DOCK9: variants seen among roughly 807,000 people sequenced by gnomAD.
DOCK9 encodes dedicator of cytokinesis protein 9.
A neutral mutation model predicts 263.3 loss-of-function variants in DOCK9; 89 were observed. That is an observed-to-expected ratio of 0.34 (90% confidence interval 0.28 to 0.40). DOCK9 has a LOEUF of 0.40. Among genes scored for constraint, DOCK9 ranks in the 10% least tolerant of loss-of-function variants. The pLI, the probability that DOCK9 is intolerant of heterozygous loss-of-function variation, is 1.00. For synonymous variants in DOCK9, 976 were observed against 973.1 expected, an observed-to-expected ratio of 1.00 and a Z score of -0.06; for missense variants, 2,140 against 2,603.4, an observed-to-expected ratio of 0.82 and a Z score of 3.87.
chr13:98,943,999 A>C (rs1206018709), intron 2 of DOCK9, among the ~76,000 whole-genome samples: 2 of 152,238 alleles, frequency 1.3e-5, no homozygotes, highest in Non-Finnish European at 2.9e-5. Context: ...TACACTAATC[A>C]CATAGATAAA....
At position 99,047,674 on chromosome 13, in the gene DOCK9, A is replaced by G. The variant is rs1358831843; in HGVS notation, c.129+38549T>C. On this transcript the variant is annotated intron_variant, in intron 1 of 32. Coordinates refer to the DOCK9 transcript ENST00000427887. Reference sequence around the variant, plus strand: ...GCTGGGACTACAGGTGCACACCACTATGCCCAGCTAATTTTTTTTTTAATT... The same window carrying G: ...GCTGGGACTACAGGTGCACACCACTGTGCCCAGCTAATTTTTTTTTTAATT... 1.5e-4 allele frequency among the ~76,000 whole-genome samples: 23 copies of G among 151,842 alleles called. 1 individual carries two copies. Among genetic ancestry groups the G allele is most frequent in the Admixed American group, 1.5e-3 (23 of 15,246 alleles).
intron 49 of DOCK9, among the ~76,000 whole-genome samples, chr13:98,801,058 C>T (rs148389580): frequency 3.9e-4 from 59 of 152,306 alleles, no homozygotes; most frequent in Non-Finnish European, 7.2e-4. Context: ...GCTGGTAGAT[C>T]ACTTGAGCCC....
rs750160982 is a variant in DOCK9, at chr13:98,863,436, C to T, written c.3399G>A (p.Leu1133=). ...GGTTCTTGAGCACACTGATGGCGAT[C>T]AGACGGACCTCCCGGAACTCCTGGA... ...TALQEFREVR[L]IAISVLKNLL... The change falls in exon 31 of 53, where the codon CTG becomes CTA. Residue 1133 remains leucine (L), a synonymous_variant. Coordinates refer to ENST00000682017, the MANE Select transcript of DOCK9 (RefSeq NM_001366683.2). 1.9e-6 allele frequency: 3 copies of T among 1,613,970 alleles called. No homozygotes were observed. The Admixed American group carries it at 5.0e-5, about 27-fold the overall frequency.
At chr13:98,887,144 T>TATATATATATATATATATATATATATATA (rs869233120) in intron 18 of DOCK9, among the ~76,000 whole-genome samples, 2 of 26,700 alleles carry the variant, frequency 7.5e-5, no homozygotes, top group African/African-American at 2.2e-4. Flanking sequence ...TATATATATA[T>TATATATATATATATATATATATATATATA]TTTTTTTTTT....
chr13:98,946,167 C>T (rs1015655992), intron 2 of DOCK9, among the ~76,000 whole-genome samples: 10 of 152,062 alleles, frequency 6.6e-5, no homozygotes, highest in Non-Finnish European at 1.5e-5. Flanking sequence ...CACTGTAAGG[C>T]CTTTGCTGGG....
rs2044590629 is a variant in DOCK9, at chr13:98,880,623, T to G, written c.2795A>C (p.His932Pro). 2 of 1,613,920 alleles carry G rather than the reference T, an allele frequency of 1.2e-6. No homozygotes were observed. The highest frequency in any genetic ancestry group is 1.7e-6 in the Non-Finnish European group (2 of 1,179,854). ...PYVASEYKTV[H>P]EELTKSMTTI... The stretch of plus-strand genomic sequence containing the variant: ...GGTCATGGATTTGGTCAGTTCTTCA[T>G]GCACTGTCTTGTATTCAGAGGCAAC... Residue 932 changes from histidine (H) to proline (P), a missense_variant, in exon 26 of 53, where the codon CAT (histidine) becomes CCT (proline). Coordinates refer to ENST00000682017, the MANE Select transcript of DOCK9 (RefSeq NM_001366683.2).
chr13:98,799,880 C>T (rs1426919016), intron 50 of DOCK9, among the ~76,000 whole-genome samples: 1 of 152,074 alleles, frequency 6.6e-6, no homozygotes, highest in East Asian at 1.9e-4. Flanking sequence ...CAAAAGATAC[C>T]ATTAAGAGGG....
chr13:99,019,145 T>G (rs1885772462), intron 1 of DOCK9, among the ~76,000 whole-genome samples: 1 of 152,238 alleles, frequency 6.6e-6, no homozygotes, highest in East Asian at 1.9e-4. Context: ...AGACCCCATA[T>G]TGTATTACTG....
chr13:98,871,939 T>G (rs1050440355), intron 27 of DOCK9: 1 of 152,978 alleles, frequency 6.5e-6, no homozygotes, highest in African/African-American at 2.4e-5. Flanking sequence ...AACTGACTCC[T>G]CGAATGAACG....
intron 13 of DOCK9, among the ~76,000 whole-genome samples, chr13:98,901,051 C>T (rs1383371724): frequency 1.3e-5 from 2 of 152,188 alleles, no homozygotes; most frequent in South Asian, 4.1e-4. Context: ...ACAGATTACA[C>T]TAACCAGGTA....
intron 2 of DOCK9, chr13:98,950,158 C>T (rs1438798863): frequency 3.8e-5 from 25 of 655,020 alleles, no homozygotes; most frequent in Non-Finnish European, 3.9e-5. Context: ...TGAAGTCACA[C>T]CATTAATTCT....
chr13:98,830,891 A>C (rs2092733580), intron 41 of DOCK9, among the ~76,000 whole-genome samples: 1 of 152,210 alleles, frequency 6.6e-6, no homozygotes, highest in Non-Finnish European at 1.5e-5. Context: ...TTGTAGAAAA[A>C]GAGAGTTTAC....
At chr13:98,950,365 G>T in intron 2 of DOCK9, 1 of 933,158 alleles carries the variant, frequency 1.1e-6, no homozygotes, top group South Asian at 1.4e-5. Flanking sequence ...CTTTGCCTGA[G>T]TGGCTTTGAG....
chr13:98,997,392 T>A (rs1437795158), intron 1 of DOCK9, among the ~76,000 whole-genome samples: 11 of 152,230 alleles, frequency 7.2e-5, no homozygotes, highest in Non-Finnish European at 1.6e-4. Context: ...AAGCCTTTTA[T>A]TTGACCAGCT....
chr13:98,837,658 G>T, intron 38 of DOCK9, 49 bp from the exon 39 acceptor site: 1 of 1,375,024 alleles, frequency 7.3e-7, no homozygotes, highest in Non-Finnish European at 1.0e-6. Flanking sequence ...CAGAAGGCAA[G>T]GCTGGCAGGA....
At chr13:98,803,777 A>G (rs535232204) in intron 49 of DOCK9, among the ~76,000 whole-genome samples, 1 of 152,288 alleles carries the variant, frequency 6.6e-6, no homozygotes, top group East Asian at 1.9e-4. Flanking sequence ...TGTGAGGACA[A>G]TATTATTTGT....
At chr13:98,952,314 C>CA (rs2057529308) in intron 2 of DOCK9, among the ~76,000 whole-genome samples, 1 of 152,044 alleles carries the variant, frequency 6.6e-6, no homozygotes, top group African/African-American at 2.4e-5. Context: ...CAGCTTACTG[C>CA]AACCTCTGTC....
chr13:99,060,709 A>G (rs936808813), intron 1 of DOCK9, among the ~76,000 whole-genome samples: 10 of 152,150 alleles, frequency 6.6e-5, no homozygotes, highest in Non-Finnish European at 7.4e-5. Context: ...TTCTCATATC[A>G]TCACAGGGCA....
At chr13:99,055,744 G>A (rs922504478) in intron 1 of DOCK9, among the ~76,000 whole-genome samples, 1 of 151,630 alleles carries the variant, frequency 6.6e-6, no homozygotes, top group African/African-American at 2.4e-5. Flanking sequence ...TGTTCTCTAG[G>A]TTCCTAACAG....
Sources: allele counts gnomAD v4.1 joint callset (sites outside exome capture counted in the v4.1 genomes callset), GRCh38; gene constraint gnomAD v4.1.1; transcripts MANE v1.5; gene names NCBI Gene and HGNC (gene_info 2026-07-23, HGNC 2026-07-21).